The following FTO variants were observed in gnomAD, a reference collection of about 807,000 sequenced individuals.
FTO encodes the protein alpha-ketoglutarate-dependent dioxygenase FTO.
Under a neutral mutation model 63.9 loss-of-function variants are expected in FTO, and 47 were observed. The ratio of observed to expected loss-of-function variants is 0.74; its 90% CI spans 0.58 to 0.94. The LOEUF (loss-of-function observed/expected upper bound fraction) is 0.94, where lower values mean the gene tolerates loss of function less well. Among genes scored for constraint, FTO ranks in the 40% least tolerant of loss-of-function variants. The pLI, the probability that FTO is intolerant of heterozygous loss-of-function variation, is 0.00. For synonymous variants in FTO, 207 were observed against 224.4 expected (o/e 0.92, Z 0.69); for missense variants, 562 against 618.1 (o/e 0.91, Z 0.96).
intron 1 of FTO, among the ~76,000 whole-genome samples, chr16:53,740,215 G>A (rs2076499288): frequency 6.6e-6 from 1 of 152,144 alleles, no homozygotes; most frequent in African/African-American, 2.4e-5. Flanking sequence ...AGCTAGAGTG[G>A]CTTTGTGACA....
chr16:53,792,759 T>C (rs1241307653), intron 1 of FTO, among the ~76,000 whole-genome samples: 1 of 152,120 alleles, frequency 6.6e-6, no homozygotes, highest in Non-Finnish European at 1.5e-5. Context: ...TGCAATATGA[T>C]TGAGAGAATT....
At chr16:53,937,596 C>T (rs1055199972) in intron 8 of FTO, 8 of 221,106 alleles carry the variant, frequency 3.6e-5, no homozygotes, top group African/African-American at 4.5e-5. Flanking sequence ...GGAAGTTTAA[C>T]TGCAATCGTG....
rs1474090169 is a variant in FTO, at chr16:54,112,128, C to T, written c.*213C>T. 8.6e-6 allele frequency: 5 copies of T among 579,812 alleles called. No homozygotes were observed. The highest frequency in any genetic ancestry group is 1.5e-5 in the Non-Finnish European group (5 of 326,668). The allele number at this position is 579,812 out of a possible 1,614,324, so 35.9% of individuals were successfully genotyped here. On this transcript the variant is annotated 3_prime_UTR_variant, in exon 9 of 9. Coordinates refer to ENST00000471389, the MANE Select transcript of FTO (RefSeq NM_001080432.3). ...TAGTCTGATTTGGTGTTAAACAGGA[C>T]CTTCTTCCCCCAAAATTGTTCAGAT...
chr16:53,850,415 A>G (rs937359612), intron 4 of FTO, among the ~76,000 whole-genome samples: 6 of 151,336 alleles, frequency 4.0e-5, no homozygotes, highest in African/African-American at 1.5e-4. Context: ...AAATACTGAC[A>G]TTTTCAAGCT....
intron 8 of FTO, among the ~76,000 whole-genome samples, chr16:54,028,096 G>T (rs990557521): frequency 1.8e-4 from 28 of 152,226 alleles, no homozygotes; most frequent in African/African-American, 6.7e-4. Flanking sequence ...CAGCACCCTT[G>T]TGAATTAATC....
intron 1 of FTO, among the ~76,000 whole-genome samples, chr16:53,719,521 T>C (rs1459859814): frequency 6.6e-6 from 1 of 152,082 alleles, no homozygotes; most frequent in South Asian, 2.1e-4. Flanking sequence ...GAATTGTGTA[T>C]AGTTTTATAA....
intron 4 of FTO, among the ~76,000 whole-genome samples, chr16:53,857,178 T>C (rs2080026336): frequency 6.6e-6 from 1 of 152,160 alleles, no homozygotes; most frequent in African/African-American, 2.4e-5. Context: ...GATTATTTCA[T>C]CACCCAGGTA....
intron 7 of FTO, among the ~76,000 whole-genome samples, chr16:53,893,240 T>C (rs2081197131): frequency 6.6e-6 from 1 of 152,188 alleles, no homozygotes; most frequent in Non-Finnish European, 1.5e-5. Flanking sequence ...TTGCTCCCTA[T>C]TGAGGATGGC....
In FTO at chr16:53,975,675, A is replaced by AG. The variant is rs1484151788; in HGVS notation, c.1364+41566_1364+41567insG. Among the ~76,000 whole-genome samples the AG allele has an allele frequency of 1.2e-4, 19 of 152,128 alleles. No individual in the cohort carries two copies. In the East Asian group the frequency reaches 3.5e-3, roughly 28 times the overall value. On this transcript the variant is annotated intron_variant, in intron 8 of 8. Coordinates refer to ENST00000471389, the MANE Select transcript of FTO (RefSeq NM_001080432.3). ...CTGTCATTCTACAGTCCTCAAAAAA[A>AG]AAAGACATGTAATTTATATTTTAAA...
At chr16:54,077,420 T>G (rs1442072483) in intron 8 of FTO, among the ~76,000 whole-genome samples, 1 of 152,170 alleles carries the variant, frequency 6.6e-6, no homozygotes, top group Non-Finnish European at 1.5e-5. Context: ...TTGGTGAGGC[T>G]TGGCTGTCGT....
chr16:53,977,195 C>T (rs192843830), intron 8 of FTO, among the ~76,000 whole-genome samples: 1 of 152,056 alleles, frequency 6.6e-6, no homozygotes, highest in Non-Finnish European at 1.5e-5. Flanking sequence ...ATGGTTGTTG[C>T]ATTTAATCAG....
chr16:53,936,505 A>G (rs1599033502), intron 8 of FTO, among the ~76,000 whole-genome samples: 1 of 152,320 alleles, frequency 6.6e-6, no homozygotes, highest in East Asian at 1.9e-4. Context: ...GCTGTCTGGA[A>G]TTGGGCATTG....
intron 1 of FTO, among the ~76,000 whole-genome samples, chr16:53,775,896 T>A (rs930108763): frequency 1.3e-5 from 2 of 152,154 alleles, no homozygotes; most frequent in Non-Finnish European, 2.9e-5. Flanking sequence ...ATTACCTATA[T>A]CGTTAGTTTT....
At chr16:53,862,574 C>T (rs1258243706) in intron 4 of FTO, among the ~76,000 whole-genome samples, 4 of 144,118 alleles carry the variant, frequency 2.8e-5, no homozygotes, top group Admixed American at 7.0e-5. Context: ...GTCTCTCTGT[C>T]GCCCAGGCTG....
At chr16:54,053,306 C>T (rs1392561704) in intron 8 of FTO, among the ~76,000 whole-genome samples, 4 of 152,168 alleles carry the variant, frequency 2.6e-5, no homozygotes, top group East Asian at 1.9e-4. Flanking sequence ...CCTGATCCTT[C>T]GTATCTCCAT....
At chr16:53,763,431 C>G (rs2077119761) in intron 1 of FTO, among the ~76,000 whole-genome samples, 1 of 152,050 alleles carries the variant, frequency 6.6e-6, no homozygotes, top group Non-Finnish European at 1.5e-5. Context: ...TGTAGTATGT[C>G]TGTTTTTTGC....
intron 8 of FTO, among the ~76,000 whole-genome samples, chr16:54,109,816 C>T (rs1443418000): frequency 6.6e-6 from 1 of 152,160 alleles, no homozygotes; most frequent in African/African-American, 2.4e-5. Flanking sequence ...GGTGAAAAAG[C>T]ATCTCTATTG....
At chr16:53,912,385 T>C (rs1404894869) in intron 7 of FTO, among the ~76,000 whole-genome samples, 4 of 152,196 alleles carry the variant, frequency 2.6e-5, no homozygotes, top group African/African-American at 9.7e-5. Context: ...ACTTCAGAGA[T>C]GCACTGACAT....
chr16:53,734,350 ACT>A (rs776706823), intron 1 of FTO, among the ~76,000 whole-genome samples: 4 of 152,130 alleles, frequency 2.6e-5, no homozygotes, highest in Non-Finnish European at 4.4e-5. Context: ...AATGTTATAA[ACT>A]CTCTGTACAA....
Sources: gnomAD v4.1 joint callset for allele counts (sites outside exome capture counted in the v4.1 genomes callset) on GRCh38, gnomAD v4.1.1 for gene constraint, MANE v1.5 for transcripts, NCBI Gene and HGNC (gene_info 2026-07-23, HGNC 2026-07-21) for gene names.